The following SLC1A1 variants were observed in gnomAD, a reference collection of about 807,000 sequenced individuals.
The protein encoded by SLC1A1 is solute carrier family 1 member 1.
In SLC1A1, 43 loss-of-function variants were observed where a neutral mutation model predicts 53.3. The observed-to-expected ratio is 0.81, with a 90% confidence interval of 0.63 to 1.04. The LOEUF (loss-of-function observed/expected upper bound fraction) is 1.04, where lower values mean the gene tolerates loss of function less well. Among genes scored for constraint, SLC1A1 ranks in the 50% least tolerant of loss-of-function variants. SLC1A1 has a pLI of 0.00. For synonymous variants in SLC1A1, 307 were observed against 243.2 expected (o/e 1.26, Z -2.44); for missense variants, 748 against 664.9 (o/e 1.12, Z -1.37).
intron 1 of SLC1A1, among the ~76,000 whole-genome samples, chr9:4,511,286 G>C (rs1036337267): frequency 6.6e-6 from 1 of 152,098 alleles, no homozygotes; most frequent in African/African-American, 2.4e-5. Flanking sequence ...CGTGTCTGCT[G>C]AGGGCCCACC....
chr9:4,514,678 C>A (rs1475178826), intron 1 of SLC1A1, among the ~76,000 whole-genome samples: 3 of 152,090 alleles, frequency 2.0e-5, no homozygotes, highest in Non-Finnish European at 4.4e-5. Flanking sequence ...GGTCAGAGAG[C>A]TTGCATGCCA....
intron 10 of SLC1A1, among the ~76,000 whole-genome samples, chr9:4,581,741 C>A (rs1443544466): frequency 1.3e-5 from 2 of 152,142 alleles, no homozygotes; most frequent in African/African-American, 2.4e-5. Flanking sequence ...AGGCCTGAAA[C>A]CTTTAGAGTA....
chr9:4,572,695 G>A (rs973612818), intron 7 of SLC1A1, among the ~76,000 whole-genome samples: 1 of 152,144 alleles, frequency 6.6e-6, no homozygotes, highest in African/African-American at 2.4e-5. Flanking sequence ...CTATAGGCAT[G>A]TACCACCATG....
chr9:4,542,292 C>A (rs1817085464), intron 1 of SLC1A1, among the ~76,000 whole-genome samples: 1 of 152,114 alleles, frequency 6.6e-6, no homozygotes, highest in Non-Finnish European at 1.5e-5. Flanking sequence ...AATACAGTAA[C>A]CTACTTGGGG....
chr9:4,558,644 A>T (rs1478331642), intron 2 of SLC1A1, among the ~76,000 whole-genome samples: 2 of 152,330 alleles, frequency 1.3e-5, no homozygotes, highest in African/African-American at 4.8e-5. Flanking sequence ...CATTAAGACA[A>T]ATTAAGACAT....
intron 10 of SLC1A1, among the ~76,000 whole-genome samples, chr9:4,580,881 T>G (rs982956356): frequency 2.6e-5 from 4 of 152,050 alleles, no homozygotes; most frequent in African/African-American, 7.2e-5. Flanking sequence ...AATGGCACGT[T>G]TTTAATCTTT....
chr9:4,518,158 C>G (rs1432127364), intron 1 of SLC1A1, among the ~76,000 whole-genome samples: 1 of 144,356 alleles, frequency 6.9e-6, no homozygotes, highest in Non-Finnish European at 1.5e-5. Flanking sequence ...ATTGCTGAAC[C>G]TGGGAGGCAG....
intron 1 of SLC1A1, among the ~76,000 whole-genome samples, chr9:4,535,729 A>G (rs2130861879): frequency 6.6e-6 from 1 of 152,170 alleles, no homozygotes; most frequent in Non-Finnish European, 1.5e-5. Flanking sequence ...ATATGGAACC[A>G]AAAAAGAGCC....
At position 4,583,377 on chromosome 9, in the gene SLC1A1, T is replaced by C. The variant is rs1005025115; in HGVS notation, c.1328+205T>C. On this transcript the variant is annotated intron_variant, in intron 11 of 11. Transcript: ENST00000262352. This position sits in a 1 kb window ranked among gnomAD's most constrained non-coding sequence, Gnocchi z 4.6. The stretch of plus-strand genomic sequence containing the variant: ...TGGAGCAGTGATTTTAAAAAGCCGG[T>C]GAGCTCCATTAGCTCATTATACCTG... 1.3e-5 allele frequency among the ~76,000 whole-genome samples: 2 copies of C among 152,200 alleles called. No individual in the cohort carries two copies. Among genetic ancestry groups the C allele is most frequent in the African/African-American group, 4.8e-5 (2 of 41,450 alleles).
intron 1 of SLC1A1, among the ~76,000 whole-genome samples, chr9:4,491,162 C>T (rs1193915382): frequency 6.6e-6 from 1 of 152,246 alleles, no homozygotes. Flanking sequence ...CCCACACCCC[C>T]AGCCTCGCTG....
At chr9:4,552,585 G>A (rs1399459360) in intron 2 of SLC1A1, among the ~76,000 whole-genome samples, 1 of 152,028 alleles carries the variant, frequency 6.6e-6, no homozygotes, top group Admixed American at 6.6e-5. Context: ...AGCAATTCTA[G>A]CAGTGACTCC....
intron 1 of SLC1A1, among the ~76,000 whole-genome samples, chr9:4,508,787 T>C (rs1049004408): frequency 6.6e-6 from 1 of 152,230 alleles, no homozygotes; most frequent in Non-Finnish European, 1.5e-5. Context: ...TTCCTGGGCA[T>C]GTGCATTAAA....
In SLC1A1 at chr9:4,549,166, C is replaced by G. The variant is rs75544478; in HGVS notation, c.232+4459C>G. On this transcript the variant is annotated intron_variant, in intron 2 of 11. Coordinates refer to ENST00000262352, the MANE Select transcript of SLC1A1 (RefSeq NM_004170.6). The surrounding 1 kb of genome is among the most constrained non-coding windows in gnomAD (Gnocchi z 4.1). ...ACCTCCAGTCCCGCTCCCAGAGGTC[C>G]CCTGAGCATCCTTCCCGGATGCTCA... 6.7e-3 allele frequency among the ~76,000 whole-genome samples: 1,014 copies of G among 152,224 alleles called. 13 individuals carry two copies. The highest frequency in any genetic ancestry group is 0.023 in the African/African-American group (956 of 41,524).
intron 9 of SLC1A1, 89 bp downstream of exon 9, chr9:4,576,212 G>A: frequency 7.6e-7 from 1 of 1,323,214 alleles, no homozygotes; most frequent in Non-Finnish European, 1.1e-6. Context: ...CCAGCTTGCG[G>A]TTTTTGTAGC....
At chr9:4,512,483 G>C (rs1475685987) in intron 1 of SLC1A1, among the ~76,000 whole-genome samples, 1 of 152,060 alleles carries the variant, frequency 6.6e-6, no homozygotes, top group Non-Finnish European at 1.5e-5. Context: ...ACTCAAGCCT[G>C]GGTGACAGAG....
intron 1 of SLC1A1, among the ~76,000 whole-genome samples, chr9:4,499,468 T>C (rs897083343): frequency 2.0e-5 from 3 of 152,222 alleles, no homozygotes; most frequent in Non-Finnish European, 4.4e-5. Flanking sequence ...TTTGAATGCT[T>C]ATGCCTGGTG....
chr9:4,526,477 G>C (rs1306011382), intron 1 of SLC1A1, among the ~76,000 whole-genome samples: 1 of 152,126 alleles, frequency 6.6e-6, no homozygotes, highest in Admixed American at 6.5e-5. Context: ...TGGACAAAAA[G>C]TAGGCTCAAA....
At chr9:4,496,653 G>C (rs1820434353) in intron 1 of SLC1A1, among the ~76,000 whole-genome samples, 1 of 152,136 alleles carries the variant, frequency 6.6e-6, no homozygotes, top group South Asian at 2.1e-4. Context: ...CCAGCACTTT[G>C]GGAGGTGAAG....
intron 1 of SLC1A1, among the ~76,000 whole-genome samples, chr9:4,526,353 C>G (rs1213027730): frequency 6.6e-6 from 1 of 152,086 alleles, no homozygotes; most frequent in Non-Finnish European, 1.5e-5. Flanking sequence ...TAATAAATCT[C>G]AAAAACACAA....
Sources: allele counts gnomAD v4.1 joint callset (sites outside exome capture counted in the v4.1 genomes callset), GRCh38; gene constraint gnomAD v4.1.1; non-coding constraint Gnocchi (gnomAD v3.1); transcripts MANE v1.5; gene names NCBI Gene and HGNC (gene_info 2026-07-23, HGNC 2026-07-21).